RSPO4: variants seen among roughly 807,000 people sequenced by gnomAD.
RSPO4 encodes the protein R-spondin-4.
Under a neutral mutation model 24.8 loss-of-function variants are expected in RSPO4, and 23 were observed. The ratio of observed to expected loss-of-function variants is 0.93; its 90% CI spans 0.67 to 1.31. The LOEUF (loss-of-function observed/expected upper bound fraction) is 1.31, where lower values mean the gene tolerates loss of function less well. Among genes scored for constraint, RSPO4 ranks in the 40% most tolerant of loss-of-function variants. RSPO4 has a pLI of 0.00. For missense variants in RSPO4, 333 were observed against 316.5 expected (o/e 1.05, Z -0.39); for synonymous variants, 141 against 127.4 (o/e 1.11, Z -0.72).
intron 1 of RSPO4, among the ~76,000 whole-genome samples, chr20:979,396 G>A (rs557930197): frequency 6.6e-6 from 1 of 152,160 alleles, no homozygotes; most frequent in Non-Finnish European, 1.5e-5. Context: ...AATTTGCCAC[G>A]TCAACTCCTG....
chr20:995,065 G>A (rs928760595), intron 1 of RSPO4, among the ~76,000 whole-genome samples: 4 of 152,198 alleles, frequency 2.6e-5, no homozygotes, highest in African/African-American at 9.7e-5. Context: ...ACAGCTGGGT[G>A]ACCTTGAGTA....
chr20:985,624 TC>T (rs1984897130), intron 1 of RSPO4, among the ~76,000 whole-genome samples: 2 of 152,246 alleles, frequency 1.3e-5, no homozygotes, highest in Non-Finnish European at 2.9e-5. Flanking sequence ...GAGAGCTGCC[TC>T]CGAGTCTGAG....
At chr20:974,299 G>A (rs1156555275) in intron 1 of RSPO4, among the ~76,000 whole-genome samples, 1 of 152,214 alleles carries the variant, frequency 6.6e-6, no homozygotes, top group Non-Finnish European at 1.5e-5. Flanking sequence ...TGTTTGTAGG[G>A]CATGACTCTG....
At chr20:995,434 C>G (rs1168133853) in intron 1 of RSPO4, among the ~76,000 whole-genome samples, 2 of 152,172 alleles carry the variant, frequency 1.3e-5, no homozygotes, top group African/African-American at 4.8e-5. Flanking sequence ...CCAGGCAGGA[C>G]TGGGGTGAGG....
At chr20:992,907 C>G (rs897560040) in intron 1 of RSPO4, among the ~76,000 whole-genome samples, 17 of 152,222 alleles carry the variant, frequency 1.1e-4, no homozygotes, top group African/African-American at 3.9e-4. Context: ...GGTCACTCAG[C>G]CAGTAAGTGG....
In RSPO4 at chr20:958,953, T is replaced by C. The variant is rs734940; in HGVS notation, c.*1404A>G. The C allele has an allele frequency of 0.11, 16,035 of 152,342 alleles. 973 individuals carry two copies. The highest frequency in any genetic ancestry group is 0.22 in the East Asian group (1,114 of 5,162). 9.4% of individuals were successfully genotyped at this position (152,342 alleles called of 1,614,324 possible). On this transcript the variant is annotated 3_prime_UTR_variant, in exon 5 of 5. Transcript: ENST00000217260. ...AGGGGGTGTTATGATGGCAGAAGGA[T>C]AGGCAGTGAGGACAGACTTGCTTCC... is the stretch of plus-strand genomic sequence containing the variant.
rs1480980972 is a variant in RSPO4, at chr20:963,943, C to A, written c.587G>T (p.Cys196Phe). 1.9e-6 allele frequency: 3 copies of A among 1,613,844 alleles called. No individual in the cohort carries two copies. The highest frequency in any genetic ancestry group is 2.5e-6 in the Non-Finnish European group (3 of 1,180,042). Residue 196 changes from cysteine to phenylalanine, a missense_variant, in exon 4 of 5, where the codon TGC (cysteine) becomes TTC (phenylalanine). By Grantham distance (205) the Cys-to-Phe change is radical. Transcript: ENST00000217260. Reference sequence around the variant, plus strand: ...CCTGTCCTGGGGCTCACCTCCTGGGCAGGGCCTCTGGATGGGACATTTCCT... The same window carrying A: ...CCTGTCCTGGGGCTCACCTCCTGGGAAGGGCCTCTGGATGGGACATTTCCT... ...ESRKCPIQRP[C>F]PGERSPGQKK... is the part of the protein sequence containing the mutation.
chr20:982,862 G>A (rs186023057), intron 1 of RSPO4, among the ~76,000 whole-genome samples: 24 of 152,342 alleles, frequency 1.6e-4, no homozygotes, highest in East Asian at 3.9e-4. Flanking sequence ...GAGGCCTCTC[G>A]TGGCTCTTTG....
intron 4 of RSPO4, among the ~76,000 whole-genome samples, chr20:963,453 G>A (rs936276010): frequency 6.6e-6 from 1 of 152,112 alleles, no homozygotes; most frequent in Non-Finnish European, 1.5e-5. Flanking sequence ...CACGTACTTG[G>A]GGCGCTGACC....
intron 1 of RSPO4, among the ~76,000 whole-genome samples, chr20:976,564 G>A (rs933721485): frequency 2.0e-5 from 3 of 152,062 alleles, no homozygotes; most frequent in African/African-American, 7.2e-5. Context: ...GCAAGTGATC[G>A]CTGTATTTTT....
Position 997,019 on chromosome 20 carries a change from G to A in RSPO4, c.79+5067C>T, listed in dbSNP as rs192809111. Among the ~76,000 whole-genome samples, 699 of 152,264 alleles carry A rather than the reference G, an allele frequency of 4.6e-3. 4 individuals carry two copies. The highest frequency in any genetic ancestry group is 8.8e-3 in the Admixed American group (134 of 15,294). ...TTTCTATATCTATTGCACGGGCTTC[G>A]GAGCCTCCAAAACTCTGGGTCCAGG... On this transcript the variant is annotated intron_variant, in intron 1 of 4. Transcript: ENST00000217260.
chr20:982,054 C>T (rs1984752256), intron 1 of RSPO4, among the ~76,000 whole-genome samples: 1 of 152,198 alleles, frequency 6.6e-6, no homozygotes, highest in African/African-American at 2.4e-5. Flanking sequence ...CCACTGGTGA[C>T]CTTCAGAAAA....
intron 3 of RSPO4, among the ~76,000 whole-genome samples, chr20:965,369 C>T (rs549947285): frequency 6.6e-6 from 1 of 152,162 alleles, no homozygotes; most frequent in South Asian, 2.1e-4. Context: ...ACTGGGCAAG[C>T]CGGAGAATAA....
chr20:985,819 C>T (rs1181081635), intron 1 of RSPO4, among the ~76,000 whole-genome samples: 1 of 152,212 alleles, frequency 6.6e-6, no homozygotes, highest in African/African-American at 2.4e-5. Flanking sequence ...AACTCCCAAG[C>T]CCAGGTGGGC....
intron 1 of RSPO4, among the ~76,000 whole-genome samples, chr20:998,553 G>A (rs1985367480): frequency 6.6e-6 from 1 of 152,198 alleles, no homozygotes; most frequent in South Asian, 2.1e-4. Flanking sequence ...ATGGGCCTGT[G>A]GGAACCAGGC....
intron 1 of RSPO4, among the ~76,000 whole-genome samples, chr20:987,611 C>A (rs1984960884): frequency 2.6e-5 from 4 of 151,748 alleles, no homozygotes; most frequent in Admixed American, 1.3e-4. Context: ...CATAGTGAGA[C>A]CCTTATCTCT....
intron 1 of RSPO4, among the ~76,000 whole-genome samples, chr20:982,266 T>C (rs1186424687): frequency 6.6e-6 from 1 of 152,178 alleles, no homozygotes; most frequent in Non-Finnish European, 1.5e-5. Flanking sequence ...CATGAAACTG[T>C]TACCAACCAA....
At chr20:966,026 A>G (rs1984183983) in intron 3 of RSPO4, among the ~76,000 whole-genome samples, 1 of 152,174 alleles carries the variant, frequency 6.6e-6, no homozygotes, top group African/African-American at 2.4e-5. Context: ...GGAGCTGGTT[A>G]TTGAAACCCA....
At chr20:990,762 C>T (rs952488336) in intron 1 of RSPO4, among the ~76,000 whole-genome samples, 1 of 152,160 alleles carries the variant, frequency 6.6e-6, no homozygotes, top group Non-Finnish European at 1.5e-5. Flanking sequence ...CAATGTCACT[C>T]GCCTCCAGGG....
Sources: allele counts gnomAD v4.1 joint callset (sites outside exome capture counted in the v4.1 genomes callset), GRCh38; gene constraint gnomAD v4.1.1; transcripts MANE v1.5; gene names NCBI Gene and HGNC (gene_info 2026-07-23, HGNC 2026-07-21).